ARHGEF10L: variants seen among roughly 807,000 people sequenced by gnomAD.
ARHGEF10L encodes the protein Rho guanine nucleotide exchange factor 10 like.
ARHGEF10L carries 69 observed loss-of-function variants against 141.2 expected under a neutral mutation model. That is an observed-to-expected ratio of 0.49 (90% CI 0.40 to 0.60). The LOEUF is 0.60. Among genes scored for constraint, ARHGEF10L ranks in the 20% least tolerant of loss-of-function variants. The pLI, the probability that ARHGEF10L is intolerant of heterozygous loss-of-function variation, is 0.00. For synonymous variants in ARHGEF10L, 711 were observed against 718.5 expected (o/e 0.99, Z 0.17); for missense variants, 1,482 against 1,734.3 (o/e 0.85, Z 2.58).
At chr1:17,629,945 C>A (rs982566537) in intron 15 of ARHGEF10L, among the ~76,000 whole-genome samples, 4 of 152,234 alleles carry the variant, frequency 2.6e-5, no homozygotes, top group Non-Finnish European at 4.4e-5. Flanking sequence ...AGCCGTTCTG[C>A]CCTCTCCTGC....
At chr1:17,597,326 G>A (rs1029388711) in intron 4 of ARHGEF10L, among the ~76,000 whole-genome samples, 3 of 152,152 alleles carry the variant, frequency 2.0e-5, no homozygotes, top group Admixed American at 6.5e-5. Flanking sequence ...TTTGTTCACA[G>A]GGAGAATTAG....
chr1:17,681,215 C>T (rs1046721143), intron 26 of ARHGEF10L, among the ~76,000 whole-genome samples: 1 of 152,160 alleles, frequency 6.6e-6, no homozygotes, highest in Non-Finnish European at 1.5e-5. Flanking sequence ...AGACATACAC[C>T]CACTTTTAAA....
chr1:17,538,940 A>AT (rs2076624237), upstream of ARHGEF10L, among the ~76,000 whole-genome samples: 1 of 152,236 alleles, frequency 6.6e-6, no homozygotes, highest in Non-Finnish European at 1.5e-5. Context: ...ATTGCATCAT[A>AT]TCCAGAGGCC....
chr1:17,664,791 C>T (rs2062864710), intron 26 of ARHGEF10L, among the ~76,000 whole-genome samples, 196 bp downstream of exon 26: 1 of 152,230 alleles, frequency 6.6e-6, no homozygotes, highest in African/African-American at 2.4e-5. Context: ...ATCGCCAAGG[C>T]TACCAAGAAC....
In ARHGEF10L at chr1:17,634,343, C is replaced by A. The variant is rs972008113; in HGVS notation, c.1731-205C>A. ...GTCTGGGATCATCTAAGCTTCCTAGCGGGGCTGTTGTGAGACCCAGAGATG... is the reference window on the plus strand; with the variant it reads ...GTCTGGGATCATCTAAGCTTCCTAGAGGGGCTGTTGTGAGACCCAGAGATG... On this transcript the variant is annotated intron_variant, in intron 16 of 28. Transcript: ENST00000361221. 9.3e-6 allele frequency: 7 copies of A among 748,730 alleles called. No homozygotes were observed. The East Asian group carries it at 1.5e-4, about 16-fold the overall frequency. The allele number at this position is 748,730 out of a possible 1,614,324, so 46.4% of individuals were successfully genotyped here. A position where few individuals can be genotyped will look rare whatever the true frequency, so the allele number is the denominator to read the frequency against.
chr1:17,633,506 G>C (rs901976458), intron 16 of ARHGEF10L, among the ~76,000 whole-genome samples: 3 of 151,838 alleles, frequency 2.0e-5, no homozygotes, highest in Admixed American at 6.6e-5. Context: ...ACCACACCTA[G>C]CTAATTTTTT....
Position 17,615,925 on chromosome 1 carries a change from C to T in ARHGEF10L, c.727-169C>T, listed in dbSNP as rs564271542. 72 of 617,260 alleles carry T rather than the reference C, an allele frequency of 1.2e-4. 1 individual carries two copies. Among genetic ancestry groups the T allele is most frequent in the South Asian group, 5.6e-4 (28 of 49,946 alleles). The allele number at this position is 617,260 out of a possible 1,614,324, so 38.2% of individuals were successfully genotyped here. A position where few individuals can be genotyped will look rare whatever the true frequency, so the allele number is the denominator to read the frequency against. On this transcript the variant is annotated intron_variant, in intron 8 of 28. Transcript: ENST00000361221. The surrounding 1 kb of genome is among the most constrained non-coding windows in gnomAD (Gnocchi z 4.7). ...AAAGAGGGAGATCCCCGGGCATGAACGCACCTTCTCACCCCCACTGTCGTC... is the reference window on the plus strand; with the variant it reads ...AAAGAGGGAGATCCCCGGGCATGAATGCACCTTCTCACCCCCACTGTCGTC...
intron 25 of ARHGEF10L, among the ~76,000 whole-genome samples, chr1:17,657,304 T>C (rs1240944992): frequency 6.6e-6 from 1 of 152,222 alleles, no homozygotes; most frequent in Non-Finnish European, 1.5e-5. Context: ...GTGTGTGTTA[T>C]CTTAATTCTC....
At chr1:17,534,933 G>T (rs1232500102), upstream of ARHGEF10L, among the ~76,000 whole-genome samples, 3 of 152,062 alleles carry the variant, frequency 2.0e-5, no homozygotes, top group Admixed American at 6.5e-5. Context: ...AAACTTTTTG[G>T]CCTCAGGAAC....
rs2062105655 is a variant in ARHGEF10L, at chr1:17,654,386, G to C, written c.2395-250G>C. ...CTTATCTGAAAGCTGCTCACTTTCA[G>C]AGACCCTGGGCTGATACAGAGCCTC... On this transcript the variant is annotated intron_variant, in intron 22 of 28. Transcript: ENST00000361221. This position sits in a 1 kb window ranked among gnomAD's most constrained non-coding sequence, Gnocchi z 4.3. 6.6e-6 allele frequency among the ~76,000 whole-genome samples: 1 copy of C among 152,204 alleles called. No homozygotes were observed. The highest frequency in any genetic ancestry group is 1.5e-5 in the Non-Finnish European group (1 of 68,032).
At chr1:17,618,919 T>C (rs1261629220) in intron 9 of ARHGEF10L, among the ~76,000 whole-genome samples, 1 of 152,254 alleles carries the variant, frequency 6.6e-6, no homozygotes, top group African/African-American at 2.4e-5. Context: ...TCTCGGGGCT[T>C]ATTTTCTTCC....
chr1:17,524,420 C>CACA, the ARHGEF10L span, among the ~76,000 whole-genome samples: 1 of 137,574 alleles, frequency 7.3e-6, no homozygotes, highest in Non-Finnish European at 1.6e-5. Flanking sequence ...CACACACACA[C>CACA]AAAATTAGCC....
intron 1 of ARHGEF10L, among the ~76,000 whole-genome samples, chr1:17,570,402 G>T (rs942013248): frequency 5.3e-5 from 8 of 152,292 alleles, no homozygotes; most frequent in Admixed American, 5.2e-4. Flanking sequence ...GTGGGTATCT[G>T]GGGGAACAGC....
At chr1:17,537,224 A>T (rs938570419), upstream of ARHGEF10L, among the ~76,000 whole-genome samples, 1 of 152,162 alleles carries the variant, frequency 6.6e-6, no homozygotes, top group Admixed American at 6.5e-5. Flanking sequence ...AAATCTCCCA[A>T]TGATTAAATG....
At chr1:17,576,441 C>T (rs569243025) in intron 1 of ARHGEF10L, among the ~76,000 whole-genome samples, 74 of 152,262 alleles carry the variant, frequency 4.9e-4, no homozygotes, top group Admixed American at 1.2e-3. Context: ...TAGCCGGGAG[C>T]TGGGGCCTCC....
chr1:17,687,807 A>T lies in ARHGEF10L; in HGVS notation c.3184+60A>T, dbSNP rs2064740882. 3 of 1,505,958 alleles carry T rather than the reference A, an allele frequency of 2.0e-6. No homozygotes were observed. In the South Asian group the frequency reaches 3.9e-5, roughly 20 times the overall value. The allele number at this position is 1,505,958 out of a possible 1,614,324, so 93.3% of individuals were successfully genotyped here. ...CACAGAGCACCTTCCACGGCCAGGT[A>T]GTGGTGTGACCTGGGCAGCCCATCC... On this transcript the variant is annotated intron_variant, in intron 27 of 28. Transcript: ENST00000361221.
intron 17 of ARHGEF10L, 55 bp from the exon 18 acceptor site, chr1:17,634,780 C>CT: frequency 1.9e-6 from 3 of 1,542,160 alleles, no homozygotes; most frequent in Admixed American, 4.0e-5. Flanking sequence ...CTGGGCCAGC[C>CT]CTGGGGCAGG....
At position 17,573,042 on chromosome 1, in the gene ARHGEF10L, A is replaced by C. The variant is rs184381497; in HGVS notation, c.-43-7511A>C. On this transcript the variant is annotated intron_variant, in intron 1 of 28. Coordinates refer to ENST00000361221, the MANE Select transcript of ARHGEF10L (RefSeq NM_018125.4). This position sits in a 1 kb window ranked among gnomAD's most constrained non-coding sequence, Gnocchi z 4.8. Reference sequence around the variant, plus strand: ...TTGGCAGTGCCCCTCCGTGAGCTCCAGCTCTTTCCTGCCATTCTTCCGTCT... The same window carrying C: ...TTGGCAGTGCCCCTCCGTGAGCTCCCGCTCTTTCCTGCCATTCTTCCGTCT... 2.2e-3 allele frequency among the ~76,000 whole-genome samples: 328 copies of C among 152,210 alleles called. 2 individuals carry two copies. Among genetic ancestry groups the C allele is most frequent in the African/African-American group, 7.4e-3 (309 of 41,516 alleles).
chr1:17,695,092 G>A (rs780005815), intron 27 of ARHGEF10L, 66 bp from the exon 28 acceptor site: 5 of 1,605,554 alleles, frequency 3.1e-6, no homozygotes, highest in Non-Finnish European at 4.2e-6. Flanking sequence ...CTCATCTCGT[G>A]GTGGTACCCA....
Sources: gnomAD v4.1 joint callset for allele counts (sites outside exome capture counted in the v4.1 genomes callset) on GRCh38, gnomAD v4.1.1 for gene constraint, Gnocchi (gnomAD v3.1) non-coding constraint, MANE v1.5 for transcripts, NCBI Gene and HGNC (gene_info 2026-07-23, HGNC 2026-07-21) for gene names.